Variants in ANKS1B observed in about 807,000 individuals in gnomAD.
ANKS1B encodes ankyrin repeat and sterile alpha motif domain containing 1B.
Under a neutral mutation model 148.3 loss-of-function variants are expected in ANKS1B, and 36 were observed. The observed-to-expected ratio is 0.24, with a 90% CI of 0.19 to 0.32. ANKS1B has a LOEUF of 0.32. Ranked by LOEUF, ANKS1B falls within the 10% of genes least tolerant of loss-of-function variation. The pLI is 1.00. For missense variants in ANKS1B, 1,157 were observed against 1,542.6 expected (o/e 0.75, Z 4.19); for synonymous variants, 542 against 560.8 (o/e 0.97, Z 0.47).
At chr12:99,516,713 C>A (rs576790081) in intron 9 of ANKS1B, among the ~76,000 whole-genome samples, 105 of 152,010 alleles carry the variant, frequency 6.9e-4, no homozygotes, top group African/African-American at 2.4e-3. Flanking sequence ...AACAAACCTG[C>A]ATGTTCTCCA....
intron 12 of ANKS1B, among the ~76,000 whole-genome samples, chr12:99,308,946 CTATA>C (rs1233777336): frequency 6.7e-6 from 1 of 149,518 alleles, no homozygotes; most frequent in Non-Finnish European, 1.5e-5. Flanking sequence ...TACCTGTGTA[CTATA>C]TATAACATAT....
chr12:99,374,492 T>A (rs1250356305), intron 12 of ANKS1B, among the ~76,000 whole-genome samples: 2 of 152,174 alleles, frequency 1.3e-5, no homozygotes, highest in Non-Finnish European at 2.9e-5. Context: ...TCCCATCTTG[T>A]ACCCTGAGCT....
intron 11 of ANKS1B, among the ~76,000 whole-genome samples, chr12:99,431,380 A>G (rs1184785690): frequency 1.3e-5 from 2 of 152,224 alleles, no homozygotes; most frequent in African/African-American, 4.8e-5. Flanking sequence ...CTTTCTCAAC[A>G]GTGTGAATTT....
chr12:99,868,126 C>A (rs2090999230), intron 1 of ANKS1B, among the ~76,000 whole-genome samples: 2 of 151,992 alleles, frequency 1.3e-5, no homozygotes, highest in Non-Finnish European at 2.9e-5. Flanking sequence ...AGCAAACTGG[C>A]AATAAAATGA....
chr12:99,675,813 T>C (rs1239334754), intron 8 of ANKS1B, among the ~76,000 whole-genome samples: 1 of 152,196 alleles, frequency 6.6e-6, no homozygotes, highest in African/African-American at 2.4e-5. Flanking sequence ...TGTATACTTT[T>C]ATATATTAGG....
chr12:98,928,862 T>C (rs2099811262), intron 17 of ANKS1B, among the ~76,000 whole-genome samples: 1 of 152,026 alleles, frequency 6.6e-6, no homozygotes. Flanking sequence ...AAAGACCAGA[T>C]GTTTTTCCCT....
At chr12:99,488,057 G>C (rs1229219485) in intron 10 of ANKS1B, among the ~76,000 whole-genome samples, 1 of 152,078 alleles carries the variant, frequency 6.6e-6, no homozygotes, top group Non-Finnish European at 1.5e-5. Flanking sequence ...TGTGCTTTCT[G>C]TGGTTTGATT....
At chr12:99,974,780 C>A (rs2095605699) in intron 1 of ANKS1B, among the ~76,000 whole-genome samples, 1 of 151,970 alleles carries the variant, frequency 6.6e-6, no homozygotes, top group African/African-American at 2.4e-5. Context: ...GTCTTGAACT[C>A]CTGGATTCAA....
intron 17 of ANKS1B, among the ~76,000 whole-genome samples, chr12:99,005,945 T>C (rs1442811514): frequency 1.3e-5 from 2 of 152,204 alleles, no homozygotes; most frequent in South Asian, 2.1e-4. Context: ...GAATAAACCA[T>C]GACGATGAAA....
At chr12:99,567,162 T>A (rs2153218898) in intron 9 of ANKS1B, among the ~76,000 whole-genome samples, 1 of 152,256 alleles carries the variant, frequency 6.6e-6, no homozygotes, top group South Asian at 2.1e-4. Flanking sequence ...TTGGAAGAAT[T>A]CAGTTCCTTG....
rs569505737 is a variant in ANKS1B, at chr12:99,812,047, T to C, written c.372+108A>G. 5.7e-5 allele frequency: 76 copies of C among 1,322,724 alleles called. 1 individual carries two copies. The East Asian group carries it at 8.5e-4, about 15-fold the overall frequency. 81.9% of individuals were successfully genotyped at this position (1,322,724 alleles called of 1,614,324 possible). The stretch of plus-strand genomic sequence containing the variant: ...TTTCTCCTTTTAGGAAATTCAGCAA[T>C]GGAAAGGCCTTTGGGCAAGGTAAAG... On this transcript the variant is annotated intron_variant, in intron 3 of 26. Coordinates refer to ENST00000683438, the MANE Select transcript of ANKS1B (RefSeq NM_001352186.2).
At chr12:99,547,513 A>C (rs2153151504) in intron 9 of ANKS1B, among the ~76,000 whole-genome samples, 1 of 152,248 alleles carries the variant, frequency 6.6e-6, no homozygotes, top group East Asian at 1.9e-4. Flanking sequence ...CCAACTCTAA[A>C]GCAAAGCAAT....
chr12:99,066,734 G>A (rs2044479891), intron 16 of ANKS1B, among the ~76,000 whole-genome samples: 1 of 152,232 alleles, frequency 6.6e-6, no homozygotes. Flanking sequence ...AGTAAAGGCA[G>A]CAAGAAGTAG....
intron 14 of ANKS1B, among the ~76,000 whole-genome samples, chr12:99,213,156 C>T (rs1208336994): frequency 1.3e-5 from 2 of 152,206 alleles, no homozygotes; most frequent in Non-Finnish European, 2.9e-5. Context: ...AGCCCAATTA[C>T]ACCTGCCAGT....
chr12:99,744,808 A>G (rs1475171037), intron 8 of ANKS1B, among the ~76,000 whole-genome samples: 1 of 152,030 alleles, frequency 6.6e-6, no homozygotes, highest in Non-Finnish European at 1.5e-5. Context: ...CCTGACTAAC[A>G]TGGTGAAACC....
chr12:98,907,031 G>C (rs940952270), intron 17 of ANKS1B, among the ~76,000 whole-genome samples: 1 of 151,502 alleles, frequency 6.6e-6, no homozygotes, highest in Non-Finnish European at 1.5e-5. Context: ...GTGTGTGTGT[G>C]TGTGTGTGTG....
At chr12:99,264,592 CTCTTT>C (rs1047320717) in intron 12 of ANKS1B, among the ~76,000 whole-genome samples, 9 of 152,092 alleles carry the variant, frequency 5.9e-5, no homozygotes, top group South Asian at 2.1e-4. Flanking sequence ...TTGGAAAATG[CTCTTT>C]TCTTAAGAAA....
At chr12:99,715,223 A>G (rs1335445095) in intron 8 of ANKS1B, among the ~76,000 whole-genome samples, 5 of 152,182 alleles carry the variant, frequency 3.3e-5, no homozygotes, top group Admixed American at 6.5e-5. Flanking sequence ...TATCCCCTGT[A>G]ACCTGCACGT....
intron 1 of ANKS1B, among the ~76,000 whole-genome samples, chr12:99,828,168 T>G (rs947985180): frequency 1.3e-5 from 2 of 152,152 alleles, no homozygotes; most frequent in Non-Finnish European, 2.9e-5. Flanking sequence ...ATCAATTAGA[T>G]TTTCTCAGGA....
Sources: allele counts gnomAD v4.1 joint callset (sites outside exome capture counted in the v4.1 genomes callset), GRCh38; gene constraint gnomAD v4.1.1; transcripts MANE v1.5; gene names NCBI Gene and HGNC (gene_info 2026-07-23, HGNC 2026-07-21).